Variants in NELL1 observed in about 807,000 individuals in gnomAD.
The protein encoded by NELL1 is protein kinase C-binding protein NELL1.
A neutral mutation model predicts 107.4 loss-of-function variants in NELL1; 76 were observed. The ratio of observed to expected loss-of-function variants is 0.71; its 90% CI spans 0.59 to 0.86. The LOEUF (loss-of-function observed/expected upper bound fraction) is 0.86, where lower values mean the gene tolerates loss of function less well. Among genes scored for constraint, NELL1 ranks in the 40% least tolerant of loss-of-function variants. The pLI is 0.00. For synonymous variants in NELL1, 353 were observed against 341.2 expected, an observed-to-expected ratio of 1.03 and a Z score of -0.38; for missense variants, 1,024 against 1,005.5, an observed-to-expected ratio of 1.02 and a Z score of -0.25.
At position 20,855,740 on chromosome 11, in the gene NELL1, C is replaced by G. The variant is rs1020712093; in HGVS notation, c.506+7987C>G. Among the ~76,000 whole-genome samples the G allele has an allele frequency of 8.6e-5, 13 of 151,890 alleles. No individual in the cohort carries two copies. The East Asian group carries it at 1.2e-3, about 14-fold the overall frequency. On this transcript the variant is annotated intron_variant, in intron 4 of 19. Coordinates refer to ENST00000357134, the MANE Select transcript of NELL1 (RefSeq NM_006157.5). Reference sequence around the variant, plus strand: ...AAGAAAGTAAACCAGAACAATACACCTGGTGAAACTCTGTTTGAAAAAAAC... The same window carrying G: ...AAGAAAGTAAACCAGAACAATACACGTGGTGAAACTCTGTTTGAAAAAAAC...
chr11:20,771,471 A>ATT (rs1856639168), intron 2 of NELL1, among the ~76,000 whole-genome samples: 2 of 152,142 alleles, frequency 1.3e-5, no homozygotes, highest in Admixed American at 1.3e-4. Context: ...AGAGAAGACA[A>ATT]TTTCTTCAGG....
intron 2 of NELL1, among the ~76,000 whole-genome samples, chr11:20,752,584 A>G (rs1165656437): frequency 6.6e-6 from 1 of 152,290 alleles, no homozygotes; most frequent in African/African-American, 2.4e-5. Context: ...ATCCTTAAGA[A>G]TGGTGCATTT....
intron 5 of NELL1, among the ~76,000 whole-genome samples, chr11:20,899,336 C>A (rs148432242): frequency 7.3e-4 from 111 of 152,216 alleles, no homozygotes; most frequent in Non-Finnish European, 1.2e-3. Flanking sequence ...GAAAAGATAA[C>A]TAACCTCCCA....
At chr11:21,531,808 A>T (rs1391963766) in intron 15 of NELL1, among the ~76,000 whole-genome samples, 1 of 152,134 alleles carries the variant, frequency 6.6e-6, no homozygotes. Flanking sequence ...GCCTCTGAGG[A>T]CAAAGGCAGC....
At chr11:21,544,342 A>C (rs1856376100) in intron 16 of NELL1, among the ~76,000 whole-genome samples, 1 of 151,998 alleles carries the variant, frequency 6.6e-6, no homozygotes, top group Non-Finnish European at 1.5e-5. Flanking sequence ...TGTTGAAGAC[A>C]AAAATAATCA....
At position 21,534,420 on chromosome 11, in the gene NELL1, C is replaced by T. The variant is rs1389098913; in HGVS notation, c.1692C>T (p.Ser564=). 1 of 1,613,724 alleles carries T rather than the reference C, an allele frequency of 6.2e-7. No homozygotes were observed. Among genetic ancestry groups the T allele is most frequent in the Non-Finnish European group, 8.5e-7 (1 of 1,179,842 alleles). Residue 564 remains serine, a synonymous_variant, in exon 16 of 20, where the codon TCC becomes TCT. Transcript: ENST00000357134. ...SEGIIECHNH[S]RCVNLPGWYH... ...GAATCATTGAGTGCCACAACCATTC[C>T]CGCTGCGTTAACCTGCCAGGGTGGT...
intron 14 of NELL1, among the ~76,000 whole-genome samples, chr11:21,336,390 C>G (rs985270952): frequency 6.6e-6 from 1 of 151,752 alleles, no homozygotes; most frequent in Non-Finnish European, 1.5e-5. Context: ...TGTGGCTTGC[C>G]CAAGACAAAG....
At chr11:21,258,924 G>A (rs955399779) in intron 14 of NELL1, among the ~76,000 whole-genome samples, 8 of 152,040 alleles carry the variant, frequency 5.3e-5, no homozygotes, top group African/African-American at 1.9e-4. Context: ...AGAAGCAAGA[G>A]TTGGATCCAA....
At chr11:21,454,175 G>A (rs59347172) in intron 15 of NELL1, among the ~76,000 whole-genome samples, 8,770 of 143,462 alleles carry the variant, frequency 0.061, 573 homozygotes, top group East Asian at 0.17. Context: ...GAGAATATGC[G>A]GTGTTTGGTT....
intron 3 of NELL1, among the ~76,000 whole-genome samples, chr11:20,820,732 C>A (rs1857731515): frequency 6.6e-6 from 1 of 152,088 alleles, no homozygotes; most frequent in Non-Finnish European, 1.5e-5. Context: ...AATAGAATAC[C>A]CTTTTCCTCA....
intron 13 of NELL1, among the ~76,000 whole-genome samples, chr11:21,136,726 G>T (rs989937691): frequency 1.3e-5 from 2 of 152,130 alleles, no homozygotes; most frequent in African/African-American, 4.8e-5. Context: ...TAAAAAGACT[G>T]TCATTGTTAC....
intron 14 of NELL1, among the ~76,000 whole-genome samples, chr11:21,281,055 T>C (rs11026000): frequency 0.22 from 32,494 of 150,948 alleles, 4,509 homozygotes; most frequent in South Asian, 0.41. Flanking sequence ...GACCCCTTTC[T>C]TCTGCTTGAG....
chr11:21,326,759 CT>C (rs966107060), intron 14 of NELL1, among the ~76,000 whole-genome samples: 23 of 151,726 alleles, frequency 1.5e-4, no homozygotes, highest in African/African-American at 5.1e-4. Context: ...TTATAGACTA[CT>C]TTTTTTTCTT....
chr11:21,511,365 G>A (rs571947714), intron 15 of NELL1, among the ~76,000 whole-genome samples: 1 of 152,242 alleles, frequency 6.6e-6, no homozygotes, highest in South Asian at 2.1e-4. Flanking sequence ...CTCAGCAAGG[G>A]GTAAGTAATG....
At chr11:21,321,845 G>A (rs1348215226) in intron 14 of NELL1, among the ~76,000 whole-genome samples, 1 of 152,208 alleles carries the variant, frequency 6.6e-6, no homozygotes, top group Non-Finnish European at 1.5e-5. Flanking sequence ...CAACAAAGTG[G>A]GCAGGGCTCT....
chr11:20,850,825 C>T (rs1040651311), intron 4 of NELL1, among the ~76,000 whole-genome samples: 1 of 152,092 alleles, frequency 6.6e-6, no homozygotes, highest in African/African-American at 2.4e-5. Context: ...CTACTATAGG[C>T]CAGGTAATGT....
At chr11:20,940,664 G>A (rs1033204163) in intron 10 of NELL1, among the ~76,000 whole-genome samples, 2 of 152,104 alleles carry the variant, frequency 1.3e-5, no homozygotes, top group African/African-American at 2.4e-5. Context: ...TTATAAACTG[G>A]TCTCCGAAAC....
At chr11:20,780,143 G>A (rs144849043) in intron 2 of NELL1, among the ~76,000 whole-genome samples, 2,151 of 152,250 alleles carry the variant, frequency 0.014, 21 homozygotes, top group Admixed American at 0.022. Context: ...TTACTTCAGT[G>A]TGCCAATCAT....
At chr11:20,739,293 C>G (rs1467429909) in intron 2 of NELL1, among the ~76,000 whole-genome samples, 2 of 152,156 alleles carry the variant, frequency 1.3e-5, no homozygotes, top group African/African-American at 4.8e-5. Context: ...AGGACAGAGC[C>G]CTTGAGTGAA....
Sources: gnomAD v4.1 joint callset for allele counts (sites outside exome capture counted in the v4.1 genomes callset) on GRCh38, gnomAD v4.1.1 for gene constraint, MANE v1.5 for transcripts, NCBI Gene and HGNC (gene_info 2026-07-23, HGNC 2026-07-21) for gene names.